The following GPATCH2 variants were observed in gnomAD, a reference collection of about 807,000 sequenced individuals.
GPATCH2 encodes G-patch domain containing 2, also known as G patch domain-containing protein 2.
A neutral mutation model predicts 58.0 loss-of-function variants in GPATCH2; 51 were observed. That is an observed-to-expected ratio of 0.88 (90% confidence interval 0.70 to 1.11). GPATCH2 has a LOEUF of 1.11. GPATCH2 is among the 50% of genes most tolerant of loss of function. GPATCH2 has a pLI of 0.00. For missense variants in GPATCH2, 625 were observed against 652.2 expected (o/e 0.96, Z 0.45); for synonymous variants, 222 against 218.5 (o/e 1.02, Z -0.14).
intron 2 of GPATCH2, 27 bp from the exon 3 acceptor site, chr1:217,614,229 G>C (rs772229286): frequency 1.5e-6 from 2 of 1,375,888 alleles, no homozygotes; most frequent in Admixed American, 3.4e-5. Context: ...GAAAGAAACA[G>C]ATCAAAAGAA....
chr1:217,484,846 CTGAG>C (rs1164127844), intron 8 of GPATCH2, among the ~76,000 whole-genome samples: 1 of 151,310 alleles, frequency 6.6e-6, no homozygotes, highest in Admixed American at 6.6e-5. Flanking sequence ...CTTATATGAA[CTGAG>C]TTTCTCTGAA....
intron 8 of GPATCH2, among the ~76,000 whole-genome samples, chr1:217,477,000 A>G (rs1435138402): frequency 6.6e-6 from 1 of 152,048 alleles, no homozygotes; most frequent in Admixed American, 6.6e-5. Flanking sequence ...GATGAGAGGG[A>G]AGAGTGGGGA....
chr1:217,585,213 T>A (rs982334495), intron 5 of GPATCH2, among the ~76,000 whole-genome samples: 1 of 152,124 alleles, frequency 6.6e-6, no homozygotes, highest in Non-Finnish European at 1.5e-5. Context: ...ATGAGACTCA[T>A]TCATGTTAAT....
At chr1:217,598,541 C>A (rs1035748309) in intron 5 of GPATCH2, among the ~76,000 whole-genome samples, 1 of 152,018 alleles carries the variant, frequency 6.6e-6, no homozygotes, top group African/African-American at 2.4e-5. Flanking sequence ...CAACCTCTGC[C>A]TCCTGGGTTC....
chr1:217,549,063 T>G (rs1665216626), intron 5 of GPATCH2, among the ~76,000 whole-genome samples: 2 of 152,220 alleles, frequency 1.3e-5, no homozygotes, highest in Admixed American at 6.5e-5. Flanking sequence ...ATACTGTTGC[T>G]TGTTCTTTTC....
intron 4 of GPATCH2, 37 bp from the exon 5 acceptor site, chr1:217,610,437 T>G (rs1012257395): frequency 9.4e-6 from 11 of 1,164,308 alleles, no homozygotes; most frequent in Non-Finnish European, 1.4e-5. Flanking sequence ...AAGTTTTCTA[T>G]GATCACTGAA....
chr1:217,445,508 T>C (rs1659346735), intron 9 of GPATCH2, among the ~76,000 whole-genome samples: 2 of 152,260 alleles, frequency 1.3e-5, no homozygotes, highest in African/African-American at 4.8e-5. Context: ...TTTCAAACTA[T>C]AAAATGCATT....
chr1:217,538,426 C>T (rs556846324), intron 5 of GPATCH2, among the ~76,000 whole-genome samples: 3 of 152,274 alleles, frequency 2.0e-5, no homozygotes, highest in East Asian at 3.9e-4. Flanking sequence ...AAATAATTTA[C>T]TCTTGTGTTT....
At chr1:217,545,868 T>C (rs1453923829) in intron 5 of GPATCH2, among the ~76,000 whole-genome samples, 3 of 152,150 alleles carry the variant, frequency 2.0e-5, no homozygotes. Flanking sequence ...GCTGAGAAAA[T>C]GGATAACTGT....
At chr1:217,564,234 G>C (rs1666094956) in intron 5 of GPATCH2, among the ~76,000 whole-genome samples, 2 of 152,088 alleles carry the variant, frequency 1.3e-5, no homozygotes, top group Admixed American at 1.3e-4. Context: ...AATTGAGCAA[G>C]AGGACCAGAT....
chr1:217,558,726 A>T (rs1665767648), intron 5 of GPATCH2, among the ~76,000 whole-genome samples: 1 of 152,170 alleles, frequency 6.6e-6, no homozygotes. Context: ...AGGTGGGAGG[A>T]GCACTTGAGG....
At chr1:217,459,684 T>G (rs1660114921) in intron 8 of GPATCH2, among the ~76,000 whole-genome samples, 1 of 152,216 alleles carries the variant, frequency 6.6e-6, no homozygotes, top group African/African-American at 2.4e-5. Flanking sequence ...GACACTATTA[T>G]TAAATGTTTC....
intron 8 of GPATCH2, among the ~76,000 whole-genome samples, chr1:217,473,280 A>AGTGTGTGTGTGTGTGTGT: frequency 7.0e-6 from 1 of 142,228 alleles, no homozygotes; most frequent in South Asian, 2.3e-4. Context: ...GGTTTAGTTC[A>AGTGTGTGTGTGTGTGTGT]GTGTGTGTGT....
chr1:217,539,805 G>A (rs969825248), intron 5 of GPATCH2, among the ~76,000 whole-genome samples: 1 of 152,032 alleles, frequency 6.6e-6, no homozygotes, highest in African/African-American at 2.4e-5. Flanking sequence ...CTATGGTGAG[G>A]GCTTCAATGC....
chr1:217,448,733 C>T lies in GPATCH2; in HGVS notation c.1366+516G>A, dbSNP rs1014046254. 5.3e-5 allele frequency among the ~76,000 whole-genome samples: 8 copies of T among 152,078 alleles called. No individual in the cohort carries two copies. The East Asian group carries it at 5.8e-4, about 11-fold the overall frequency. ...TTTTTGAGGTAGAAATGAGAGCTTT[C>T]GCAATCTAGTACTAATGTTGTCTAA... On this transcript the variant is annotated intron_variant, in intron 9 of 9. Coordinates refer to ENST00000366935, the MANE Select transcript of GPATCH2 (RefSeq NM_018040.5).
chr1:217,568,516 A>C (rs763248004), intron 5 of GPATCH2, among the ~76,000 whole-genome samples: 10 of 152,182 alleles, frequency 6.6e-5, no homozygotes, highest in Non-Finnish European at 8.8e-5. Context: ...GTACTGGGGC[A>C]AGGGGGTTAC....
intron 5 of GPATCH2, among the ~76,000 whole-genome samples, chr1:217,595,933 A>G (rs1456459647): frequency 6.6e-6 from 1 of 152,168 alleles, no homozygotes; most frequent in East Asian, 1.9e-4. Flanking sequence ...TAAAATATAT[A>G]TATAAAAAAG....
At chr1:217,550,607 G>A (rs1665305671) in intron 5 of GPATCH2, among the ~76,000 whole-genome samples, 1 of 151,732 alleles carries the variant, frequency 6.6e-6, no homozygotes, top group African/African-American at 2.4e-5. Flanking sequence ...AAAAGACATA[G>A]CTAATATCTA....
chr1:217,565,032 T>C (rs1464438715), intron 5 of GPATCH2, among the ~76,000 whole-genome samples: 1 of 152,184 alleles, frequency 6.6e-6, no homozygotes, highest in Non-Finnish European at 1.5e-5. Flanking sequence ...AAACAGGAAC[T>C]GGTGGGCTCC....
Sources: gnomAD v4.1 joint callset for allele counts (sites outside exome capture counted in the v4.1 genomes callset) on GRCh38, gnomAD v4.1.1 for gene constraint, MANE v1.5 for transcripts, NCBI Gene and HGNC (gene_info 2026-07-23, HGNC 2026-07-21) for gene names.